Variants in DENND2B observed in about 807,000 individuals in gnomAD.
The protein encoded by DENND2B is DENN domain containing 2B.
In DENND2B, 32 loss-of-function variants were observed where a neutral mutation model predicts 116.0. That is an observed-to-expected ratio of 0.28 (90% CI 0.21 to 0.37). The LOEUF is 0.37. Ranked by LOEUF, DENND2B falls within the 10% of genes least tolerant of loss-of-function variation. The pLI, the probability that DENND2B is intolerant of heterozygous loss-of-function variation, is 1.00. For missense variants in DENND2B, 1,276 were observed against 1,477.7 expected (o/e 0.86, Z 2.24); for synonymous variants, 588 against 583.9 (o/e 1.01, Z -0.10).
Position 8,707,119 on chromosome 11 carries a change from T to C in DENND2B, c.2537A>G (p.Lys846Arg). 1 of 1,613,660 alleles carries C rather than the reference T, an allele frequency of 6.2e-7. No individual in the cohort carries two copies. Among genetic ancestry groups the C allele is most frequent in the Non-Finnish European group, 8.5e-7 (1 of 1,179,776 alleles). ...SPFPAPGKTI[K>R]VKTFLPGAGN... ...AGCACCTGGCAGGAATGTCTTCACT[T>C]TGATGGTCTTCCCTGGGGCTGGGAA... The change falls in exon 13 of 20, where the codon AAA becomes AGA. Residue 846 changes from lysine to arginine, a missense_variant. Physicochemically the swap from Lys to Arg is conservative, Grantham distance 26 (BLOSUM62 2). Transcript: ENST00000313726. The surrounding 1 kb of genome is among the most constrained non-coding windows in gnomAD (Gnocchi z 4.8).
At chr11:8,824,415 A>G (rs896267541) in intron 4 of DENND2B, among the ~76,000 whole-genome samples, 4 of 151,956 alleles carry the variant, frequency 2.6e-5, no homozygotes, top group East Asian at 3.9e-4. Context: ...TGTGTACTCA[A>G]TGTTTAGCTC....
rs1347076383 is a variant in DENND2B, at chr11:8,698,959, G to A, written c.2914C>T (p.Leu972=). ...LPVEEALMVN[L]GSDRFIRQMD... ...TGTCGGATGAATCGGTCAGATCCCA[G>A]ATTCACCATCAGCGCCTGAGAAAAG... The change falls in exon 16 of 20, where the codon CTG becomes TTG. Residue 972 remains leucine (L), a synonymous_variant. Coordinates refer to ENST00000313726, the MANE Select transcript of DENND2B (RefSeq NM_213618.2). 1 of 1,614,210 alleles carries A rather than the reference G, an allele frequency of 6.2e-7. No individual in the cohort carries two copies. The highest frequency in any genetic ancestry group is 8.5e-7 in the Non-Finnish European group (1 of 1,180,052).
intron 16 of DENND2B, 138 bp downstream of exon 16, chr11:8,698,795 C>T: frequency 9.8e-7 from 1 of 1,022,250 alleles, no homozygotes; most frequent in Non-Finnish European, 1.5e-6. Flanking sequence ...AGACCAGCTT[C>T]TCCCCACCCT....
At chr11:8,837,928 T>G (rs888399770) in intron 4 of DENND2B, among the ~76,000 whole-genome samples, 2 of 152,016 alleles carry the variant, frequency 1.3e-5, no homozygotes, top group Non-Finnish European at 2.9e-5. Flanking sequence ...AGGTGGAAGG[T>G]GGGAAGAAGA....
intron 2 of DENND2B, among the ~76,000 whole-genome samples, chr11:8,864,571 C>T (rs2653617): frequency 0.021 from 3,210 of 152,264 alleles, 84 homozygotes; most frequent in East Asian, 0.084. Context: ...GGCCTGGCCT[C>T]CATCTAATTT....
At chr11:8,903,832 T>C (rs112013850) in intron 1 of DENND2B, among the ~76,000 whole-genome samples, 61 of 138,488 alleles carry the variant, frequency 4.4e-4, no homozygotes, top group South Asian at 1.1e-3. Flanking sequence ...GAGGCTGTAG[T>C]GAGCTGTGAT....
intron 1 of DENND2B, among the ~76,000 whole-genome samples, chr11:8,775,388 GAACAGTCA>G (rs1325690569): frequency 6.6e-6 from 1 of 152,216 alleles, no homozygotes; most frequent in African/African-American, 2.4e-5. Flanking sequence ...GTCAGTGCTA[GAACAGTCA>G]GGCTGTTCCA....
intron 1 of DENND2B, among the ~76,000 whole-genome samples, chr11:8,905,368 C>A (rs2064222789): frequency 6.6e-6 from 1 of 151,984 alleles, no homozygotes; most frequent in South Asian, 2.1e-4. Context: ...AGACCCTTAC[C>A]TCATAATGCA....
chr11:8,739,306 T>C (rs1038811614), intron 2 of DENND2B, among the ~76,000 whole-genome samples: 16 of 152,242 alleles, frequency 1.1e-4, no homozygotes, highest in African/African-American at 3.8e-4. Flanking sequence ...GCACGAAAGC[T>C]ACACACTGGC....
intron 3 of DENND2B, among the ~76,000 whole-genome samples, chr11:8,854,110 T>C (rs1210440070): frequency 7.2e-6 from 1 of 139,782 alleles, no homozygotes; most frequent in East Asian, 2.4e-4. Flanking sequence ...CAAGCAATCC[T>C]CCTGCCTTGG....
At chr11:8,815,810 A>C (rs2061550329) in intron 4 of DENND2B, among the ~76,000 whole-genome samples, 1 of 152,194 alleles carries the variant, frequency 6.6e-6, no homozygotes, top group Admixed American at 6.5e-5. Context: ...ATTTCATTCA[A>C]TGTATGCAAT....
At chr11:8,863,170 A>C (rs973268167) in intron 2 of DENND2B, among the ~76,000 whole-genome samples, 3 of 151,700 alleles carry the variant, frequency 2.0e-5, no homozygotes, top group African/African-American at 7.3e-5. Flanking sequence ...TAAGTAAATT[A>C]ATTAATTAAA....
chr11:8,784,985 T>G (rs1024147582), intron 1 of DENND2B, among the ~76,000 whole-genome samples: 14 of 152,176 alleles, frequency 9.2e-5, no homozygotes, highest in African/African-American at 3.4e-4. Flanking sequence ...TGGCCACCTA[T>G]GATGCAGCAT....
chr11:8,695,805 C>T, intron 18 of DENND2B: 2 of 526,766 alleles, frequency 3.8e-6, no homozygotes, highest in Non-Finnish European at 6.9e-6. Flanking sequence ...GAGGAGGCTG[C>T]TTCTCAGTTC....
chr11:8,890,020 G>C (rs2064010569), intron 1 of DENND2B, among the ~76,000 whole-genome samples: 1 of 152,168 alleles, frequency 6.6e-6, no homozygotes. Flanking sequence ...ACCTCACACG[G>C]CTGGGTACTC....
rs559789961 is a variant in DENND2B at position 8,698,957 on chromosome 11, C to T, written c.2916G>A (p.Leu972=). The T allele has an allele frequency of 1.9e-6, 3 of 1,614,178 alleles. No homozygotes were observed. In the African/African-American group the frequency reaches 4.0e-5, roughly 22 times the overall value. Residue 972 remains leucine, a synonymous_variant, in exon 16 of 20, where the codon CTG becomes CTA. Coordinates refer to ENST00000313726, the MANE Select transcript of DENND2B (RefSeq NM_213618.2). ...LPVEEALMVN[L]GSDRFIRQMD... ...CCTGTCGGATGAATCGGTCAGATCC[C>T]AGATTCACCATCAGCGCCTGAGAAA...
In DENND2B at chr11:8,694,070, C is replaced by A; in HGVS notation, c.*26G>T. On this transcript the variant is annotated 3_prime_UTR_variant, in exon 20 of 20. Transcript: ENST00000313726. ...CCCAGGCTTCAGGCTCTGCAAGGCA[C>A]TGGACTCTGCTACTGAGAAGGAGGC... The A allele has an allele frequency of 6.2e-7, 1 of 1,613,954 alleles. No individual in the cohort carries two copies. The highest frequency in any genetic ancestry group is 8.5e-7 in the Non-Finnish European group (1 of 1,179,924).
chr11:8,745,243 T>C (rs2051025898), intron 2 of DENND2B, among the ~76,000 whole-genome samples: 1 of 151,944 alleles, frequency 6.6e-6, no homozygotes. Flanking sequence ...TTTGTAGAGA[T>C]GGGTTTTTTC....
At chr11:8,750,511 A>T in intron 2 of DENND2B, 110 bp downstream of exon 2, 1 of 917,390 alleles carries the variant, frequency 1.1e-6, no homozygotes. Flanking sequence ...GGCCTAGACC[A>T]GTCACCTGGA....
Sources: gnomAD v4.1 joint callset for allele counts (sites outside exome capture counted in the v4.1 genomes callset) on GRCh38, gnomAD v4.1.1 for gene constraint, Gnocchi (gnomAD v3.1) non-coding constraint, MANE v1.5 for transcripts, NCBI Gene and HGNC (gene_info 2026-07-23, HGNC 2026-07-21) for gene names.